The following KDM4B variants were observed in gnomAD, a reference collection of about 807,000 sequenced individuals.
The protein encoded by KDM4B is lysine demethylase 4B.
KDM4B carries 32 observed loss-of-function variants against 125.2 expected under a neutral mutation model. That is an observed-to-expected ratio of 0.26 (90% CI 0.19 to 0.34). The LOEUF (loss-of-function observed/expected upper bound fraction) is 0.34. Among genes scored for constraint, KDM4B ranks in the 10% least tolerant of loss-of-function variants. KDM4B has a pLI of 1.00. For missense variants in KDM4B, 1,190 were observed against 1,577.7 expected, an observed-to-expected ratio of 0.75 and a Z score of 4.16; for synonymous variants, 721 against 677.9, an observed-to-expected ratio of 1.06 and a Z score of -0.99.
intron 9 of KDM4B, among the ~76,000 whole-genome samples, chr19:5,109,507 G>A (rs1033324927): frequency 6.6e-6 from 1 of 152,064 alleles, no homozygotes; most frequent in Non-Finnish European, 1.5e-5. Context: ...AGGTCTGCCC[G>A]GCAGGCAGCT....
chr19:5,018,123 C>T (rs939604022), intron 2 of KDM4B, among the ~76,000 whole-genome samples: 2 of 152,208 alleles, frequency 1.3e-5, no homozygotes, highest in African/African-American at 2.4e-5. Context: ...ACTGCAGCCT[C>T]CACCTCCTGG....
At chr19:5,133,733 A>T (rs2039598669) in intron 13 of KDM4B, 150 bp from the exon 14 acceptor site, 1 of 681,664 alleles carries the variant, frequency 1.5e-6, no homozygotes, top group Admixed American at 2.9e-5. Context: ...GGCAGCCAGG[A>T]GGCAGGTGGA....
intron 2 of KDM4B, among the ~76,000 whole-genome samples, chr19:5,016,713 C>T (rs1359634220): frequency 6.6e-6 from 1 of 152,222 alleles, no homozygotes; most frequent in East Asian, 1.9e-4. Context: ...AAGGGGCGTT[C>T]CCCCACACAC....
intron 6 of KDM4B, among the ~76,000 whole-genome samples, chr19:5,060,631 C>A (rs1198108399): frequency 6.6e-6 from 1 of 151,998 alleles, no homozygotes; most frequent in Non-Finnish European, 1.5e-5. Flanking sequence ...GGCCGTGGGT[C>A]CAGGCATGGT....
At chr19:4,970,930 C>T (rs1458462227) in intron 1 of KDM4B, among the ~76,000 whole-genome samples, 1 of 152,046 alleles carries the variant, frequency 6.6e-6, no homozygotes, top group African/African-American at 2.4e-5. Context: ...GCCGGCGACA[C>T]CAGGACGGGT....
At chr19:5,111,085 C>T (rs530227461) in intron 10 of KDM4B, among the ~76,000 whole-genome samples, 7 of 152,298 alleles carry the variant, frequency 4.6e-5, no homozygotes, top group East Asian at 1.9e-4. Context: ...TTCACACCCG[C>T]GGGCTCCCCA....
chr19:5,143,180 C>T (rs1013903493), intron 18 of KDM4B, among the ~76,000 whole-genome samples: 2 of 152,028 alleles, frequency 1.3e-5, no homozygotes, highest in African/African-American at 2.4e-5. Flanking sequence ...AAAAATTAGC[C>T]AGGCATGATG....
At chr19:5,038,537 C>T (rs1318844372) in intron 3 of KDM4B, among the ~76,000 whole-genome samples, 1 of 152,360 alleles carries the variant, frequency 6.6e-6, no homozygotes, top group African/African-American at 2.4e-5. Context: ...AGTGCCGCCT[C>T]TGACAGGTGC....
intron 2 of KDM4B, among the ~76,000 whole-genome samples, chr19:5,027,939 T>G (rs956406019): frequency 3.3e-5 from 5 of 152,214 alleles, no homozygotes; most frequent in Non-Finnish European, 7.3e-5. Flanking sequence ...TTCAGTATAT[T>G]CAAAAACTTG....
intron 1 of KDM4B, among the ~76,000 whole-genome samples, chr19:5,014,791 C>A (rs35275575): frequency 1.1e-4 from 16 of 151,772 alleles, no homozygotes; most frequent in Non-Finnish European, 2.2e-4. Context: ...GTTAGGAGTT[C>A]GAGACCAGCT....
intron 14 of KDM4B, 32 bp downstream of exon 14, chr19:5,134,093 A>G: frequency 6.4e-7 from 1 of 1,554,584 alleles, no homozygotes; most frequent in Non-Finnish European, 8.7e-7. Flanking sequence ...GTCCCAGAGA[A>G]CCCCAGGCAG....
intron 2 of KDM4B, among the ~76,000 whole-genome samples, chr19:5,021,636 G>GTTTTT (rs397859195): frequency 7.9e-6 from 1 of 126,270 alleles, no homozygotes; most frequent in East Asian, 2.3e-4. Context: ...CCTGGCACAG[G>GTTTTT]TTTTTTTTTT....
intron 9 of KDM4B, among the ~76,000 whole-genome samples, chr19:5,083,272 A>G (rs1327545682): frequency 6.6e-6 from 1 of 152,182 alleles, no homozygotes; most frequent in African/African-American, 2.4e-5. Context: ...CTGGATGGAT[A>G]GGAAGCCCAC....
intron 1 of KDM4B, among the ~76,000 whole-genome samples, chr19:4,989,291 T>A (rs564021833): frequency 1.3e-5 from 2 of 152,280 alleles, no homozygotes; most frequent in Non-Finnish European, 2.9e-5. Context: ...TGTCTGCCAG[T>A]CTTCCTTTCT....
intron 6 of KDM4B, among the ~76,000 whole-genome samples, chr19:5,055,734 G>A (rs965706817): frequency 6.6e-6 from 1 of 152,200 alleles, no homozygotes; most frequent in Non-Finnish European, 1.5e-5. Flanking sequence ...CTTGTCCCAG[G>A]CTTGTGCTTG....
chr19:5,133,963 AG>A lies in KDM4B; in HGVS notation c.1990del (p.Ala664ArgfsTer42). The A allele has an allele frequency of 6.2e-7, 1 of 1,612,850 alleles. No individual in the cohort carries two copies. The highest frequency in any genetic ancestry group is 8.5e-7 in the Non-Finnish European group (1 of 1,179,932). On this transcript the variant is annotated frameshift_variant, in exon 14 of 23. Transcript: ENST00000159111. LOFTEE classifies it high-confidence loss of function. ...GCTGCTGTCTCTGCAGTGGAAGAAC[AG>A]GGCGGCCAGCTTCCAGGCCGAGAGG... is the stretch of plus-strand genomic sequence containing the variant. Reference protein sequence around the residue: ...RPLLSLQWKNRAASFQAERKF... With the variant: ...RPLLSLQWKNXAASFQAERKF...
intron 11 of KDM4B, among the ~76,000 whole-genome samples, chr19:5,124,283 C>T (rs1485195970): frequency 6.6e-6 from 1 of 152,116 alleles, no homozygotes; most frequent in Admixed American, 6.5e-5. Context: ...GACACGCATC[C>T]TCCCCAGGCC....
At chr19:5,046,472 G>C (rs555614201) in intron 5 of KDM4B, among the ~76,000 whole-genome samples, 1 of 152,338 alleles carries the variant, frequency 6.6e-6, no homozygotes, top group Non-Finnish European at 1.5e-5. Flanking sequence ...TCTGAGGGCC[G>C]GTCGTGCAGG....
chr19:5,146,939 CAAA>C (rs1182135277), intron 21 of KDM4B, among the ~76,000 whole-genome samples: 4 of 60,546 alleles, frequency 6.6e-5, no homozygotes, highest in Non-Finnish European at 8.5e-5. Context: ...ACCCTGTCTC[CAAA>C]AAAAAAAAAA....
Sources: allele counts gnomAD v4.1 joint callset (sites outside exome capture counted in the v4.1 genomes callset), GRCh38; gene constraint gnomAD v4.1.1; transcripts MANE v1.5; gene names NCBI Gene and HGNC (gene_info 2026-07-23, HGNC 2026-07-21).